Variants in RUNDC1 observed in about 807,000 individuals in gnomAD.
RUNDC1 encodes the protein RUN domain containing 1.
Under a neutral mutation model 49.3 loss-of-function variants are expected in RUNDC1, and 31 were observed. The observed-to-expected ratio is 0.63, with a 90% CI of 0.47 to 0.85. The LOEUF is 0.85. Among genes scored for constraint, RUNDC1 ranks in the 40% least tolerant of loss-of-function variants. The probability of loss-of-function intolerance (pLI) is 0.00; values close to 1 mark genes in which losing one functional copy is unlikely to be tolerated. For synonymous variants in RUNDC1, 347 were observed against 348.6 expected (o/e 1.00, Z 0.05); for missense variants, 715 against 806.7 (o/e 0.89, Z 1.38).
At chr17:42,990,541 G>T in intron 4 of RUNDC1, 105 bp downstream of exon 4, 1 of 1,165,226 alleles carries the variant, frequency 8.6e-7, no homozygotes, top group Non-Finnish European at 1.2e-6. Context: ...GAGAAATGCT[G>T]ATGGTATGGA....
chr17:42,987,550 A>T (rs1197136949), intron 2 of RUNDC1, 136 bp downstream of exon 2: 2 of 754,732 alleles, frequency 2.6e-6, no homozygotes, highest in Non-Finnish European at 4.3e-6. Context: ...AATCAAAGGG[A>T]AATTTTACTG....
chr17:42,985,602 CTTTT>C (rs71157692), intron 1 of RUNDC1: 2 of 171,012 alleles, frequency 1.2e-5, no homozygotes, highest in Admixed American at 7.6e-5. Flanking sequence ...TTGTTGTTTT[CTTTT>C]TTTTTTTTTT....
Position 42,989,519 on chromosome 17 carries a change from T to C in RUNDC1, c.836T>C (p.Met279Thr). ...QLKTQIRDLE[M>T]FINFIQDEVG... ...AAAACTCAGATCCGAGACCTTGAGA[T>C]GTTTATCAACTTCATCCAAGGTTAG... The change falls in exon 3 of 5, where the codon ATG (methionine) becomes ACG (threonine). Residue 279 changes from methionine (M) to threonine (T), a missense_variant. By Grantham distance (81) the Met-to-Thr change is moderately conservative. Around this residue, in one of 5 missense-constraint regions of RUNDC1, gnomAD observed 425 missense variants for 499.7 expected, o/e 0.85. Coordinates refer to ENST00000361677, the MANE Select transcript of RUNDC1 (RefSeq NM_173079.5). 6.2e-7 allele frequency: 1 copy of C among 1,614,206 alleles called. No homozygotes were observed. The highest frequency in any genetic ancestry group is 8.5e-7 in the Non-Finnish European group (1 of 1,180,026).
At chr17:42,985,915 T>A (rs995191264) in intron 1 of RUNDC1, among the ~76,000 whole-genome samples, 5 of 152,180 alleles carry the variant, frequency 3.3e-5, no homozygotes, top group Non-Finnish European at 4.4e-5. Flanking sequence ...TACTTTTTTT[T>A]AAAAACGTTG....
rs1406975110 is a variant in RUNDC1 at position 42,991,230 on chromosome 17, T to C, written c.1356T>C (p.Val452=). Residue 452 remains valine, a synonymous_variant, in exon 5 of 5, where the codon GTT becomes GTC. Coordinates refer to ENST00000361677, the MANE Select transcript of RUNDC1 (RefSeq NM_173079.5). ...CCTCCTCCCCAGGGATGAGCCTTGT[T>C]ATGGCTCCTATTGCTTGTTTGCTGC... The part of the protein sequence containing the change: ...LYASSPGMSL[V]MAPIACLLPA... The C allele has an allele frequency of 6.2e-7, 1 of 1,614,118 alleles. No individual in the cohort carries two copies. Among genetic ancestry groups the C allele is most frequent in the East Asian group, 2.2e-5 (1 of 44,890 alleles).
rs2050288143 is a variant in RUNDC1 at position 42,994,972 on chromosome 17, CCAAT to C, written c.*3259_*3262del. ...TTGTTAAAGCCGTCTAAGGTGCTCTCCAATCATTCATTCACTATTGATCACTTAG... is the reference window on the plus strand; with the variant it reads ...TTGTTAAAGCCGTCTAAGGTGCTCTCCATTCATTCACTATTGATCACTTAG... On this transcript the variant is annotated 3_prime_UTR_variant, in exon 5 of 5. Transcript: ENST00000361677. Among the ~76,000 whole-genome samples, 1 of 152,172 alleles carries C rather than the reference CCAAT, an allele frequency of 6.6e-6. No individual in the cohort carries two copies.
rs766982332 is a variant in RUNDC1 at position 42,993,715 on chromosome 17, G to A, written c.*1999G>A. On this transcript the variant is annotated 3_prime_UTR_variant, in exon 5 of 5. Coordinates refer to ENST00000361677, the MANE Select transcript of RUNDC1 (RefSeq NM_173079.5). ...GCCTGTATCCTCTGTCCTCTGTTAC[G>A]GATCATCTCAGCTTTGGTGGTGGTA... 2.6e-5 allele frequency: 4 copies of A among 151,988 alleles called. No individual in the cohort carries two copies. Among genetic ancestry groups the A allele is most frequent in the African/African-American group, 4.8e-5 (2 of 41,370 alleles). 9.4% of individuals were successfully genotyped at this position (151,988 alleles called of 1,614,324 possible).
chr17:42,981,119 G>A, intron 1 of RUNDC1, 45 bp downstream of exon 1: 1 of 1,522,690 alleles, frequency 6.6e-7, no homozygotes, highest in East Asian at 2.6e-5. Flanking sequence ...GAATAGTGGG[G>A]TCGTGTGGGT....
rs578105215 is a variant in RUNDC1, at chr17:42,992,568, C to CAAAAAAAA, written c.*868_*875dup. 3 of 55,074 alleles carry CAAAAAAAA rather than the reference C, an allele frequency of 5.4e-5. No homozygotes were observed. Among genetic ancestry groups the CAAAAAAAA allele is most frequent in the African/African-American group, 1.4e-4 (2 of 14,040 alleles). 3.4% of individuals were successfully genotyped at this position (55,074 alleles called of 1,614,324 possible). ...TGGGCAACACAGGGAGACTCCATCT[C>CAAAAAAAA]AAAAAAAAAAAAAAAAAAAAAAAGA... On this transcript the variant is annotated 3_prime_UTR_variant, in exon 5 of 5. Coordinates refer to ENST00000361677, the MANE Select transcript of RUNDC1 (RefSeq NM_173079.5).
intron 1 of RUNDC1, 87 bp from the exon 2 acceptor site, chr17:42,987,169 T>C (rs2050182020): frequency 1.2e-6 from 1 of 847,604 alleles, no homozygotes; most frequent in African/African-American, 1.7e-5. Flanking sequence ...TTATATTTTA[T>C]TGGTCATTAC....
In RUNDC1 at chr17:42,994,184, T is replaced by C. The variant is rs1366406939; in HGVS notation, c.*2468T>C. On this transcript the variant is annotated 3_prime_UTR_variant, in exon 5 of 5. Transcript: ENST00000361677. The stretch of plus-strand genomic sequence containing the variant: ...GGATTGGCACTTTTAAATCCACTTG[T>C]CTGGATATCACTTTGGGTGGTAACT... Among the ~76,000 whole-genome samples, 3 of 152,234 alleles carry C rather than the reference T, an allele frequency of 2.0e-5. No individual in the cohort carries two copies. The highest frequency in any genetic ancestry group is 7.2e-5 in the African/African-American group (3 of 41,464).
chr17:42,991,731 C>T lies in RUNDC1; in HGVS notation c.*15C>T, dbSNP rs771141494. 1 of 1,598,174 alleles carries T rather than the reference C, an allele frequency of 6.3e-7. No homozygotes were observed. The highest frequency in any genetic ancestry group is 8.5e-7 in the Non-Finnish European group (1 of 1,172,616). On this transcript the variant is annotated 3_prime_UTR_variant, in exon 5 of 5. Transcript: ENST00000361677. ...ATGCCTTTTGATGAGAGTGCCCTAA[C>T]CCCAGACAAGCTCCTTGTTCAGTAG...
At position 42,991,290 on chromosome 17, in the gene RUNDC1, G is replaced by T. The variant is rs749457403; in HGVS notation, c.1416G>T (p.Pro472=). 1.2e-6 allele frequency: 2 copies of T among 1,614,130 alleles called. No homozygotes were observed. Among genetic ancestry groups the T allele is most frequent in the Admixed American group, 3.3e-5 (2 of 60,014 alleles). Residue 472 remains proline, a synonymous_variant, in exon 5 of 5, where the codon CCG becomes CCT. Coordinates refer to ENST00000361677, the MANE Select transcript of RUNDC1 (RefSeq NM_173079.5). ...CCTCGGCCCCAGAGGCCATGCACCC[G>T]TGGGAGCTCTTTGTAAAGTACTACC... The part of the protein sequence containing the change: ...AFSSAPEAMH[P]WELFVKYYHA...
At chr17:42,990,648 TG>T (rs2050226500) in intron 4 of RUNDC1, among the ~76,000 whole-genome samples, 1 of 152,224 alleles carries the variant, frequency 6.6e-6, no homozygotes, top group Non-Finnish European at 1.5e-5. Flanking sequence ...ACACCTTAAA[TG>T]GGTGAATCAT....
rs1388906358 is a variant in RUNDC1, at chr17:42,992,960, T to C, written c.*1244T>C. 1.3e-5 allele frequency: 2 copies of C among 152,206 alleles called. No individual in the cohort carries two copies. The highest frequency in any genetic ancestry group is 2.9e-5 in the Non-Finnish European group (2 of 68,034). 9.4% of individuals were successfully genotyped at this position (152,206 alleles called of 1,614,324 possible). A position where few individuals can be genotyped will look rare whatever the true frequency, so the allele number is the denominator to read the frequency against. On this transcript the variant is annotated 3_prime_UTR_variant, in exon 5 of 5. Transcript: ENST00000361677. ...CTCCAGCAAGTAAACATTCCTCTGC[T>C]CACCTCCCAACAAGACTAACAGTCT...
At chr17:42,990,759 G>A in intron 4 of RUNDC1, 92 bp from the exon 5 acceptor site, 1 of 1,450,482 alleles carries the variant, frequency 6.9e-7, no homozygotes, top group South Asian at 1.4e-5. Flanking sequence ...GACCCAGCAT[G>A]TGGCTCAGAC....
chr17:42,982,381 T>C (rs376727690), intron 1 of RUNDC1, among the ~76,000 whole-genome samples: 1 of 152,140 alleles, frequency 6.6e-6, no homozygotes, highest in African/African-American at 2.4e-5. Context: ...AAGCAGATAA[T>C]GATTTGTTTA....
In RUNDC1 at chr17:42,992,753, C is replaced by G. The variant is rs1305583810; in HGVS notation, c.*1037C>G. The G allele has an allele frequency of 2.0e-5, 3 of 152,084 alleles. No individual in the cohort carries two copies. The highest frequency in any genetic ancestry group is 4.4e-5 in the Non-Finnish European group (3 of 68,024). 9.4% of individuals were successfully genotyped at this position (152,084 alleles called of 1,614,324 possible). A position where few individuals can be genotyped will look rare whatever the true frequency, so the allele number is the denominator to read the frequency against. On this transcript the variant is annotated 3_prime_UTR_variant, in exon 5 of 5. Coordinates refer to ENST00000361677, the MANE Select transcript of RUNDC1 (RefSeq NM_173079.5). ...ATATATTCCATGGCTGCCTCTAAGA[C>G]TAGGAATAGGAATATCTGAAAACAG...
At position 42,991,584 on chromosome 17, in the gene RUNDC1, G is replaced by T; in HGVS notation, c.1710G>T (p.Gln570His). The change falls in exon 5 of 5, where the codon CAG becomes CAT. Residue 570 changes from glutamine to histidine, a missense_variant. Gln to His is a conservative substitution (Grantham distance 24). Around this residue, in one of 5 missense-constraint regions of RUNDC1, gnomAD observed 425 missense variants for 499.7 expected, o/e 0.85. Coordinates refer to ENST00000361677, the MANE Select transcript of RUNDC1 (RefSeq NM_173079.5). ...GGTCACTCATCGAGCCTCACTACCA[G>T]CCCTGGAGCTACATGGCACACACAG... The part of the protein sequence containing the change: ...KSGSLIEPHY[Q>H]PWSYMAHTGF... The T allele has an allele frequency of 6.2e-7, 1 of 1,614,148 alleles. No individual in the cohort carries two copies. The highest frequency in any genetic ancestry group is 8.5e-7 in the Non-Finnish European group (1 of 1,180,038).
Sources: gnomAD v4.1 joint callset for allele counts (sites outside exome capture counted in the v4.1 genomes callset) on GRCh38, gnomAD v4.1.1 for gene constraint, gnomAD v4.1.1 regional missense constraint, MANE v1.5 for transcripts, NCBI Gene and HGNC (gene_info 2026-07-23, HGNC 2026-07-21) for gene names.